The following GAB2 variants were observed in gnomAD, a reference collection of about 807,000 sequenced individuals.
GAB2 encodes GRB2-associated-binding protein 2.
Under a neutral mutation model 65.5 loss-of-function variants are expected in GAB2, and 26 were observed. That is an observed-to-expected ratio of 0.40 (90% CI 0.29 to 0.55). The LOEUF is 0.55. GAB2 is among the 20% of genes least tolerant of loss of function. GAB2 has a pLI of 0.53. For missense variants in GAB2, 884 were observed against 875.8 expected (o/e 1.01, Z -0.12); for synonymous variants, 321 against 329.6 (o/e 0.97, Z 0.28).
intron 1 of GAB2, among the ~76,000 whole-genome samples, chr11:78,327,731 C>T (rs1855848214): frequency 6.6e-6 from 1 of 152,054 alleles, no homozygotes; most frequent in Non-Finnish European, 1.5e-5. Context: ...AATAATAATA[C>T]ATTTAAAAAA....
At chr11:78,265,475 A>G (rs928989675) in intron 2 of GAB2, among the ~76,000 whole-genome samples, 2 of 152,114 alleles carry the variant, frequency 1.3e-5, no homozygotes, top group African/African-American at 4.8e-5. Context: ...TATGAAATCT[A>G]TTCCCTTCTG....
chr11:78,379,352 G>A (rs1189164602), intron 1 of GAB2, among the ~76,000 whole-genome samples: 1 of 152,148 alleles, frequency 6.6e-6, no homozygotes, highest in East Asian at 1.9e-4. Flanking sequence ...TAAAAGACTT[G>A]GTTAAAAGTA....
At position 78,221,690 on chromosome 11, in the gene GAB2, T is replaced by C. The variant is rs1417549000; in HGVS notation, c.1748A>G (p.Asn583Ser). Residue 583 changes from asparagine to serine, a missense_variant, in exon 8 of 10, where the codon AAC (asparagine) becomes AGC (serine). Coordinates refer to ENST00000361507, the MANE Select transcript of GAB2 (RefSeq NM_080491.3). ...TSTDSGDSEE[N>S]YVPMQNPVSA... ...CGAAGGACTCACCATAGGGACATAG[T>C]TCTCTTCGCTGTCTCCTGAGTCTGT... is the stretch of plus-strand genomic sequence containing the variant. 6.2e-7 allele frequency: 1 copy of C among 1,611,154 alleles called. No homozygotes were observed. Among genetic ancestry groups the C allele is most frequent in the Non-Finnish European group, 8.5e-7 (1 of 1,177,398 alleles).
At chr11:78,220,543 C>G (rs1342345291) in intron 8 of GAB2, 99 bp from the exon 9 acceptor site, 1 of 1,038,104 alleles carries the variant, frequency 9.6e-7, no homozygotes, top group Non-Finnish European at 1.4e-6. Context: ...TTTCCCTGAG[C>G]CCTACTCTGA....
At chr11:78,234,696 G>A (rs1338060566) in intron 3 of GAB2, among the ~76,000 whole-genome samples, 1 of 151,138 alleles carries the variant, frequency 6.6e-6, no homozygotes, top group Non-Finnish European at 1.5e-5. Flanking sequence ...GTGATCTACA[G>A]GTTTTTGTCC....
Position 78,417,681 on chromosome 11 carries a change from T to C in GAB2, c.40A>G (p.Arg14Gly). The part of the protein sequence containing the change: ...GGDVVCTGWL[R>G]KSPPEKKLRR... Reference sequence around the variant, plus strand: ...AACTTCTTCTCGGGAGGCGATTTCCTCAGCCAGCCGGTGCACACCACGTCG... The same window carrying C: ...AACTTCTTCTCGGGAGGCGATTTCCCCAGCCAGCCGGTGCACACCACGTCG... Residue 14 changes from arginine (R) to glycine (G), a missense_variant, in exon 1 of 10, where the codon AGG (arginine) becomes GGG (glycine). Coordinates refer to ENST00000361507, the MANE Select transcript of GAB2 (RefSeq NM_080491.3). The C allele has an allele frequency of 7.2e-7, 1 of 1,390,396 alleles. No homozygotes were observed. 86.1% of individuals were successfully genotyped at this position (1,390,396 alleles called of 1,614,324 possible).
chr11:78,223,719 A>G, intron 5 of GAB2, 43 bp from the exon 6 acceptor site: 1 of 1,504,178 alleles, frequency 6.6e-7, no homozygotes, highest in Non-Finnish European at 9.0e-7. Flanking sequence ...GTTACTAGCA[A>G]GAAGAAACAG....
chr11:78,257,493 C>A (rs911772681), intron 2 of GAB2, among the ~76,000 whole-genome samples: 2 of 152,134 alleles, frequency 1.3e-5, no homozygotes, highest in African/African-American at 4.8e-5. Flanking sequence ...GGGCTAAGTA[C>A]TTTGTAGGAC....
intron 1 of GAB2, among the ~76,000 whole-genome samples, chr11:78,416,777 G>A (rs1380908264): frequency 1.5e-5 from 2 of 137,354 alleles, no homozygotes; most frequent in Admixed American, 1.5e-4. Flanking sequence ...GGGGAGAGGG[G>A]TTAAAAAAAA....
chr11:78,226,025 T>C (rs1335680992), intron 4 of GAB2, among the ~76,000 whole-genome samples: 1 of 152,256 alleles, frequency 6.6e-6, no homozygotes. Flanking sequence ...GAGATTCAAG[T>C]ATGATTTAGA....
intron 1 of GAB2, among the ~76,000 whole-genome samples, chr11:78,373,443 G>T (rs1856596901): frequency 6.6e-6 from 1 of 152,034 alleles, no homozygotes; most frequent in Non-Finnish European, 1.5e-5. Context: ...TCTCCTTGCT[G>T]GTCAGGCTGG....
intron 1 of GAB2, among the ~76,000 whole-genome samples, chr11:78,393,113 A>T (rs901614498): frequency 1.3e-5 from 2 of 152,240 alleles, no homozygotes; most frequent in African/African-American, 4.8e-5. Context: ...AGGAAGTATC[A>T]CAAACCATGT....
rs146618360 is a variant in GAB2, at chr11:78,246,602, G to A, written c.620+3555C>T. Reference sequence around the variant, plus strand: ...CAACCTCCACCTCCTGGCTTCAAGCGATTCTCCTGCCTCAGCCACCTGAGT... The same window carrying A: ...CAACCTCCACCTCCTGGCTTCAAGCAATTCTCCTGCCTCAGCCACCTGAGT... On this transcript the variant is annotated intron_variant, in intron 3 of 9. Transcript: ENST00000361507. Among the ~76,000 whole-genome samples the A allele has an allele frequency of 8.5e-4, 130 of 152,144 alleles. 3 individuals are homozygous for A. In the East Asian group the frequency reaches 0.023, roughly 27 times the overall value.
chr11:78,397,226 C>T (rs1856913648), intron 1 of GAB2, among the ~76,000 whole-genome samples: 1 of 152,140 alleles, frequency 6.6e-6, no homozygotes, highest in African/African-American at 2.4e-5. Flanking sequence ...ATTTTCAATT[C>T]AATTCCAGTT....
chr11:78,326,611 C>T (rs779174637), intron 1 of GAB2, among the ~76,000 whole-genome samples: 3 of 152,134 alleles, frequency 2.0e-5, no homozygotes, highest in South Asian at 2.1e-4. Flanking sequence ...AAAAGAGTCA[C>T]GTTGCTTCCA....
intron 2 of GAB2, among the ~76,000 whole-genome samples, chr11:78,269,370 CAGAA>C (rs1865953037): frequency 6.6e-6 from 1 of 152,152 alleles, no homozygotes; most frequent in Non-Finnish European, 1.5e-5. Flanking sequence ...GATGAGAAGA[CAGAA>C]AGAGTAAGGT....
chr11:78,283,371 T>C (rs964991443), intron 1 of GAB2, among the ~76,000 whole-genome samples: 1 of 152,218 alleles, frequency 6.6e-6, no homozygotes, highest in African/African-American at 2.4e-5. Context: ...TTCAGAATCG[T>C]TGCATTTTTC....
chr11:78,403,884 T>C (rs78843228), intron 1 of GAB2, among the ~76,000 whole-genome samples: 1 of 152,280 alleles, frequency 6.6e-6, no homozygotes, highest in South Asian at 2.1e-4. Context: ...CTCAAAGTCA[T>C]ATATGCTGGC....
chr11:78,335,495 A>G (rs1855982390), intron 1 of GAB2, among the ~76,000 whole-genome samples: 1 of 152,160 alleles, frequency 6.6e-6, no homozygotes, highest in Non-Finnish European at 1.5e-5. Context: ...TACTGAAGAA[A>G]CTGTCTTTCC....
Sources: gnomAD v4.1 joint callset for allele counts (sites outside exome capture counted in the v4.1 genomes callset) on GRCh38, gnomAD v4.1.1 for gene constraint, MANE v1.5 for transcripts, NCBI Gene and HGNC (gene_info 2026-07-23, HGNC 2026-07-21) for gene names.